PXDNL: variants seen among roughly 807,000 people sequenced by gnomAD.
PXDNL encodes the protein probable oxidoreductase PXDNL.
PXDNL carries 145 observed loss-of-function variants against 150.8 expected under a neutral mutation model. That is an observed-to-expected ratio of 0.96 (90% CI 0.84 to 1.10). The LOEUF is 1.10. PXDNL is among the 50% of genes least tolerant of loss of function. The pLI, the probability that PXDNL is intolerant of heterozygous loss-of-function variation, is 0.00. For missense variants in PXDNL, 2,087 were observed against 1,873.9 expected, an observed-to-expected ratio of 1.11 and a Z score of -2.10; for synonymous variants, 757 against 725.7, an observed-to-expected ratio of 1.04 and a Z score of -0.69.
At chr8:51,480,906 T>C (rs2217523) in intron 6 of PXDNL, among the ~76,000 whole-genome samples, 109,190 of 152,098 alleles carry the variant, frequency 0.72, 41,620 homozygotes, top group East Asian at 0.94. Flanking sequence ...CTTTATAAAT[T>C]ACCCAGTCTC....
chr8:51,642,318 C>T (rs907611007), intron 2 of PXDNL, among the ~76,000 whole-genome samples: 1 of 151,882 alleles, frequency 6.6e-6, no homozygotes, highest in Non-Finnish European at 1.5e-5. Flanking sequence ...GTAACTAACC[C>T]ACACATTGTG....
intron 4 of PXDNL, among the ~76,000 whole-genome samples, chr8:51,510,145 A>T (rs559250196): frequency 1.3e-5 from 2 of 152,296 alleles, no homozygotes; most frequent in Admixed American, 1.3e-4. Context: ...TAGGGGGAGT[A>T]TTGGATCTAA....
At chr8:51,737,539 T>C (rs1028319765) in intron 1 of PXDNL, among the ~76,000 whole-genome samples, 3 of 152,128 alleles carry the variant, frequency 2.0e-5, no homozygotes, top group Non-Finnish European at 4.4e-5. Flanking sequence ...CTCCCCTTTC[T>C]CCTCTTTCTA....
chr8:51,793,909 C>A (rs1035464532), intron 1 of PXDNL, among the ~76,000 whole-genome samples: 17 of 151,102 alleles, frequency 1.1e-4, no homozygotes, highest in Non-Finnish European at 2.1e-4. Context: ...ACAACAACAA[C>A]AAAAGATGGA....
intron 2 of PXDNL, among the ~76,000 whole-genome samples, chr8:51,606,155 C>T (rs1013000705): frequency 8.5e-5 from 13 of 152,104 alleles, no homozygotes; most frequent in Admixed American, 7.2e-4. Flanking sequence ...AAGAAAATCT[C>T]CTGTTGTTAA....
intron 5 of PXDNL, among the ~76,000 whole-genome samples, chr8:51,488,766 C>A (rs548853621): frequency 1.3e-5 from 2 of 152,004 alleles, no homozygotes; most frequent in South Asian, 4.2e-4. Context: ...TATCAATAGA[C>A]AATGAAGAAT....
chr8:51,363,931 AG>A (rs1340437759), intron 19 of PXDNL, among the ~76,000 whole-genome samples: 1 of 152,228 alleles, frequency 6.6e-6, no homozygotes, highest in Non-Finnish European at 1.5e-5. Flanking sequence ...CAGTTAAATA[AG>A]GTATTATAGA....
chr8:51,443,677 G>A (rs1809606701), intron 12 of PXDNL, among the ~76,000 whole-genome samples: 1 of 152,188 alleles, frequency 6.6e-6, no homozygotes, highest in African/African-American at 2.4e-5. Flanking sequence ...AAAGTAGTGA[G>A]TAGAGTAGCA....
chr8:51,669,366 T>C (rs1352553124), intron 1 of PXDNL, among the ~76,000 whole-genome samples: 1 of 152,226 alleles, frequency 6.6e-6, no homozygotes, highest in African/African-American at 2.4e-5. Context: ...TTTCAGAATG[T>C]ATTATAATGA....
At chr8:51,387,789 C>T (rs1807765543) in intron 17 of PXDNL, among the ~76,000 whole-genome samples, 1 of 152,080 alleles carries the variant, frequency 6.6e-6, no homozygotes, top group African/African-American at 2.4e-5. Context: ...TACCAAATGT[C>T]ATTTTGGTAT....
chr8:51,546,796 G>C (rs1406826469), intron 4 of PXDNL, among the ~76,000 whole-genome samples: 1 of 152,318 alleles, frequency 6.6e-6, no homozygotes, highest in East Asian at 1.9e-4. Flanking sequence ...TATAAACTCA[G>C]TGCAGATGGG....
intron 2 of PXDNL, among the ~76,000 whole-genome samples, chr8:51,603,908 T>G (rs1813782142): frequency 6.6e-6 from 1 of 152,190 alleles, no homozygotes; most frequent in South Asian, 2.1e-4. Context: ...GTCACTGTGC[T>G]CATGCTTTCT....
intron 15 of PXDNL, among the ~76,000 whole-genome samples, chr8:51,411,990 TAAAG>T (rs1279111505): frequency 6.6e-6 from 1 of 152,214 alleles, no homozygotes; most frequent in Non-Finnish European, 1.5e-5. Context: ...TCTCCTCTGC[TAAAG>T]AAAGAACTAG....
At chr8:51,439,669 A>G (rs2129869703) in intron 12 of PXDNL, among the ~76,000 whole-genome samples, 1 of 152,174 alleles carries the variant, frequency 6.6e-6, no homozygotes, top group African/African-American at 2.4e-5. Context: ...TACTAAAAAT[A>G]TAAATATTAG....
intron 19 of PXDNL, among the ~76,000 whole-genome samples, chr8:51,350,684 A>G (rs937491415): frequency 6.6e-6 from 1 of 152,084 alleles, no homozygotes; most frequent in Non-Finnish European, 1.5e-5. Flanking sequence ...GGCAGCGGCC[A>G]TGACACCCGC....
At position 51,611,953 on chromosome 8, in the gene PXDNL, G is replaced by C. The variant is rs532463535; in HGVS notation, c.237-19255C>G. ...AGCTCAGAGCGGGCTATGGGGTAGG[G>C]AGGAAGCCAGAGGAGCAGATGCAGG... On this transcript the variant is annotated intron_variant, in intron 2 of 22. Transcript: ENST00000356297. 1.2e-4 allele frequency among the ~76,000 whole-genome samples: 18 copies of C among 152,362 alleles called. No individual in the cohort carries two copies. In the South Asian group the frequency reaches 2.5e-3, roughly 21 times the overall value.
At chr8:51,731,009 A>T (rs1019322606) in intron 1 of PXDNL, among the ~76,000 whole-genome samples, 1 of 152,150 alleles carries the variant, frequency 6.6e-6, no homozygotes, top group Non-Finnish European at 1.5e-5. Flanking sequence ...AGCCAACCAC[A>T]TCATTCTGCC....
rs896979494 is a variant in PXDNL, at chr8:51,809,164, A to C, written c.164+17T>G. 4.7e-5 allele frequency: 76 copies of C among 1,613,102 alleles called. No individual in the cohort carries two copies. The highest frequency in any genetic ancestry group is 6.3e-5 in the Non-Finnish European group (74 of 1,179,526). ...GCATTGGGGAAGAGGGTTTCTGGGG[A>C]ATTTATGTGAACTTACAGAACTGTG... On this transcript the variant is annotated intron_variant, in intron 1 of 22. Transcript: ENST00000356297.
At chr8:51,639,057 C>T (rs1043490707) in intron 2 of PXDNL, among the ~76,000 whole-genome samples, 2 of 152,212 alleles carry the variant, frequency 1.3e-5, no homozygotes, top group African/African-American at 4.8e-5. Flanking sequence ...TCGCTCAAAA[C>T]CGCTCAACTA....
Sources: gnomAD v4.1 joint callset for allele counts (sites outside exome capture counted in the v4.1 genomes callset) on GRCh38, gnomAD v4.1.1 for gene constraint, MANE v1.5 for transcripts, NCBI Gene and HGNC (gene_info 2026-07-23, HGNC 2026-07-21) for gene names.